The following ROBO1 variants were observed in gnomAD, a reference collection of about 807,000 sequenced individuals.
ROBO1 encodes roundabout guidance receptor 1, also known as roundabout homolog 1.
Under a neutral mutation model 195.9 loss-of-function variants are expected in ROBO1, and 149 were observed. That is an observed-to-expected ratio of 0.76 (90% CI 0.67 to 0.87). ROBO1 has a LOEUF of 0.87. Among genes scored for constraint, ROBO1 ranks in the 40% least tolerant of loss-of-function variants. The pLI is 0.00. For missense variants in ROBO1, 1,933 were observed against 2,068.3 expected, an observed-to-expected ratio of 0.93 and a Z score of 1.27; for synonymous variants, 816 against 733.2, an observed-to-expected ratio of 1.11 and a Z score of -1.82.
chr3:79,633,992 T>C (rs1945424294), intron 1 of ROBO1, among the ~76,000 whole-genome samples: 1 of 152,128 alleles, frequency 6.6e-6, no homozygotes. Context: ...TGACATTAGA[T>C]TCAATAACAT....
At chr3:79,520,089 G>C (rs539831301) in intron 2 of ROBO1, among the ~76,000 whole-genome samples, 1 of 151,952 alleles carries the variant, frequency 6.6e-6, no homozygotes, top group Admixed American at 6.5e-5. Flanking sequence ...TTGAGCCCAG[G>C]GGGTCGAGGC....
intron 3 of ROBO1, chr3:79,019,405 G>A: frequency 1.0e-6 from 1 of 985,938 alleles, no homozygotes; most frequent in Non-Finnish European, 1.2e-6. Context: ...AGCTCCTCCC[G>A]GATCAGCGGC....
At chr3:79,315,026 T>C (rs2033671387) in intron 2 of ROBO1, among the ~76,000 whole-genome samples, 1 of 151,966 alleles carries the variant, frequency 6.6e-6, no homozygotes, top group South Asian at 2.1e-4. Context: ...AGAAACGAAA[T>C]GGGAAACTGT....
intron 4 of ROBO1, among the ~76,000 whole-genome samples, chr3:78,896,658 CAAAAAAA>C (rs142287501): frequency 3.0e-5 from 2 of 65,924 alleles, no homozygotes; most frequent in African/African-American, 1.3e-4. Context: ...TTGTTGCTCA[CAAAAAAA>C]AAAAAAAAAA....
chr3:79,177,935 T>C (rs1299825718), intron 2 of ROBO1, among the ~76,000 whole-genome samples: 1 of 152,260 alleles, frequency 6.6e-6, no homozygotes. Flanking sequence ...AAGATTCTTT[T>C]TGAGAAACAT....
intron 2 of ROBO1, among the ~76,000 whole-genome samples, chr3:79,507,385 CT>C (rs1172694790): frequency 1.3e-5 from 2 of 152,136 alleles, no homozygotes; most frequent in Non-Finnish European, 2.9e-5. Context: ...TGACTTTCCT[CT>C]CTATTGAAAT....
At chr3:78,817,724 C>G (rs1179762594) in intron 4 of ROBO1, among the ~76,000 whole-genome samples, 4 of 152,142 alleles carry the variant, frequency 2.6e-5, no homozygotes, top group Non-Finnish European at 5.9e-5. Flanking sequence ...AGTTCAGCAT[C>G]ACATTGTTCT....
chr3:79,598,112 A>G (rs1286680818), intron 1 of ROBO1, among the ~76,000 whole-genome samples: 1 of 152,232 alleles, frequency 6.6e-6, no homozygotes, highest in African/African-American at 2.4e-5. Flanking sequence ...CTCAGGCTGT[A>G]TATCACAAAT....
chr3:79,533,113 G>A (rs1312271494), intron 2 of ROBO1: 6 of 435,906 alleles, frequency 1.4e-5, no homozygotes, highest in African/African-American at 1.2e-4. Context: ...TTGAGCCCTG[G>A]AGGGAGAATA....
At chr3:79,046,215 T>A (rs1304735123) in intron 3 of ROBO1, among the ~76,000 whole-genome samples, 10 of 152,132 alleles carry the variant, frequency 6.6e-5, no homozygotes, top group Admixed American at 6.6e-4. Context: ...GGAGCTGCTC[T>A]ATGGGGAGGC....
chr3:79,140,288 A>G lies in ROBO1; in HGVS notation c.89-14749T>C, dbSNP rs923045319. ...TTCACATGTTTTGTTAAATTCAGTC[A>G]AAATATCAAATTATTTACTTGATAT... On this transcript the variant is annotated intron_variant, in intron 2 of 30. Coordinates refer to ENST00000464233, the MANE Select transcript of ROBO1 (RefSeq NM_002941.4). Among the ~76,000 whole-genome samples, 46 of 152,194 alleles carry G rather than the reference A, an allele frequency of 3.0e-4. 1 individual carries two copies. The highest frequency in any genetic ancestry group is 1.1e-3 in the African/African-American group (46 of 41,460).
chr3:79,590,019 T>C (rs1943949718), intron 1 of ROBO1, 58 bp from the exon 2 acceptor site: 4 of 727,896 alleles, frequency 5.5e-6, no homozygotes, highest in Middle Eastern at 2.4e-4. Context: ...GAAACAATTA[T>C]TTTGTGAAAC....
At chr3:78,798,298 A>G (rs1220786559) in intron 4 of ROBO1, among the ~76,000 whole-genome samples, 1 of 152,216 alleles carries the variant, frequency 6.6e-6, no homozygotes, top group Non-Finnish European at 1.5e-5. Flanking sequence ...TGGCTAATTA[A>G]TAAGCCCTGC....
intron 2 of ROBO1, among the ~76,000 whole-genome samples, chr3:79,211,414 A>G (rs2081963603): frequency 6.6e-6 from 1 of 152,178 alleles, no homozygotes; most frequent in South Asian, 2.1e-4. Context: ...TCCATAGGTA[A>G]GCACTAATCA....
At chr3:78,640,748 C>T (rs973934884) in intron 21 of ROBO1, among the ~76,000 whole-genome samples, 1 of 151,994 alleles carries the variant, frequency 6.6e-6, no homozygotes, top group Admixed American at 6.6e-5. Context: ...TTTCCAGCAC[C>T]GACTTCATAC....
rs1251040834 is a variant in ROBO1, at chr3:79,645,484, A to C, written c.-50-55523T>G. ...GCCACTGCACTATAGCCCGGGAGAC[A>C]ATTTGAAACTCTGTCTCTAAAATAA... On this transcript the variant is annotated intron_variant, in intron 1 of 30. Transcript: ENST00000464233. Among the ~76,000 whole-genome samples the C allele has an allele frequency of 2.0e-5, 3 of 152,078 alleles. No homozygotes were observed. The East Asian group carries it at 5.8e-4, about 29-fold the overall frequency.
chr3:78,978,285 T>C (rs1262756989), intron 3 of ROBO1, among the ~76,000 whole-genome samples: 3 of 152,240 alleles, frequency 2.0e-5, no homozygotes, highest in South Asian at 2.1e-4. Flanking sequence ...GGGAAATCCA[T>C]GTGTAACTTG....
At chr3:79,022,618 CA>C (rs749439598) in intron 3 of ROBO1, among the ~76,000 whole-genome samples, 5 of 152,192 alleles carry the variant, frequency 3.3e-5, no homozygotes, top group African/African-American at 4.8e-5. Flanking sequence ...GGAACTCTGA[CA>C]TGTACAAGAG....
intron 3 of ROBO1, among the ~76,000 whole-genome samples, chr3:78,950,412 G>C (rs1002127620): frequency 6.7e-6 from 1 of 148,836 alleles, no homozygotes; most frequent in African/African-American, 2.5e-5. Context: ...ATAGCAAGGA[G>C]AAAAAACCAA....
Sources: gnomAD v4.1 joint callset for allele counts (sites outside exome capture counted in the v4.1 genomes callset) on GRCh38, gnomAD v4.1.1 for gene constraint, MANE v1.5 for transcripts, NCBI Gene and HGNC (gene_info 2026-07-23, HGNC 2026-07-21) for gene names.